Variants in CCDC141 observed in about 807,000 individuals in gnomAD.
CCDC141 encodes the protein coiled-coil domain containing 141.
A neutral mutation model predicts 181.0 loss-of-function variants in CCDC141; 168 were observed. The observed-to-expected ratio is 0.93, with a 90% CI of 0.82 to 1.05. CCDC141 has a LOEUF of 1.05. Ranked by LOEUF, CCDC141 falls within the 50% of genes least tolerant of loss-of-function variation. CCDC141 has a pLI of 0.00. For synonymous variants in CCDC141, 666 were observed against 642.3 expected (o/e 1.04, Z -0.56); for missense variants, 1,902 against 1,788.5 (o/e 1.06, Z -1.14).
intron 2 of CCDC141, among the ~76,000 whole-genome samples, chr2:178,988,965 T>C (rs898043389): frequency 6.6e-6 from 1 of 152,150 alleles, no homozygotes; most frequent in Non-Finnish European, 1.5e-5. Context: ...AAGAATAAAA[T>C]TGAATTATTA....
At chr2:178,872,368 T>C in intron 12 of CCDC141, 56 bp from the exon 13 acceptor site, 1 of 1,460,414 alleles carries the variant, frequency 6.8e-7, no homozygotes, top group Non-Finnish European at 9.4e-7. Flanking sequence ...TACAGCTTTT[T>C]GTTGTATATA....
intron 7 of CCDC141, among the ~76,000 whole-genome samples, chr2:178,907,037 C>T (rs983126595): frequency 6.6e-6 from 1 of 152,152 alleles, no homozygotes; most frequent in African/African-American, 2.4e-5. Context: ...CCCATGTCTG[C>T]AATTCTGTTT....
At chr2:178,932,863 C>T (rs1689152566) in intron 6 of CCDC141, among the ~76,000 whole-genome samples, 3 of 152,124 alleles carry the variant, frequency 2.0e-5, no homozygotes. Context: ...ATTTAAATTA[C>T]TTAAATAAGC....
chr2:178,861,099 T>A (rs116079669), intron 17 of CCDC141, among the ~76,000 whole-genome samples: 1 of 152,016 alleles, frequency 6.6e-6, no homozygotes, highest in Non-Finnish European at 1.5e-5. Flanking sequence ...ACTAGAGGAA[T>A]GGCTGTGACT....
intron 1 of CCDC141, 110 bp from the exon 2 acceptor site, chr2:179,047,516 T>C: frequency 1.0e-6 from 1 of 965,724 alleles, no homozygotes. Flanking sequence ...TGTAAACACT[T>C]TTTTCTATTT....
At chr2:179,036,353 T>C (rs2043144466) in intron 2 of CCDC141, among the ~76,000 whole-genome samples, 3 of 152,206 alleles carry the variant, frequency 2.0e-5, no homozygotes. Flanking sequence ...CCTAACTCCA[T>C]GTTGAAGAAG....
At chr2:178,849,488 T>C (rs1453796247) in intron 21 of CCDC141, among the ~76,000 whole-genome samples, 1 of 152,216 alleles carries the variant, frequency 6.6e-6, no homozygotes, top group African/African-American at 2.4e-5. Flanking sequence ...GTTTTTGACA[T>C]GACATTGACA....
intron 6 of CCDC141, among the ~76,000 whole-genome samples, chr2:178,940,197 C>G (rs1252218353): frequency 6.6e-6 from 1 of 151,678 alleles, no homozygotes; most frequent in Non-Finnish European, 1.5e-5. Context: ...AATGAGTGCT[C>G]TATAAGATCA....
intron 4 of CCDC141, among the ~76,000 whole-genome samples, chr2:178,965,427 G>A (rs1690581796): frequency 6.6e-6 from 1 of 152,206 alleles, no homozygotes; most frequent in Non-Finnish European, 1.5e-5. Context: ...GAGGTACCCG[G>A]TTCATCTCAT....
Position 178,856,258 on chromosome 2 carries a change from T to C in CCDC141, c.2864A>G (p.Gln955Arg), listed in dbSNP as rs764291321. Reference protein sequence around the residue: ...QQVDMYAEKMQALKRKMEKVS... With the variant: ...QQVDMYAEKMRALKRKMEKVS... Reference sequence around the variant, plus strand: ...ATACAAACCATACTTTCTTGTTACCTGCATTTTTTCAGCATACATATCAAC... The same window carrying C: ...ATACAAACCATACTTTCTTGTTACCCGCATTTTTTCAGCATACATATCAAC... Residue 955 changes from glutamine (Q) to arginine (R), a missense_variant and splice_region_variant, in exon 18 of 24, where the codon CAG becomes CGG. By Grantham distance (43) the Gln-to-Arg change is conservative. Coordinates refer to ENST00000443758, the MANE Select transcript of CCDC141 (RefSeq NM_173648.4). 7.5e-6 allele frequency: 12 copies of C among 1,603,664 alleles called. No individual in the cohort carries two copies. The African/African-American group carries it at 1.5e-4, about 20-fold the overall frequency.
In CCDC141 at chr2:179,000,358, T is replaced by C. The variant is rs138010024; in HGVS notation, c.226-21683A>G. On this transcript the variant is annotated intron_variant, in intron 2 of 23. Transcript: ENST00000443758. The stretch of plus-strand genomic sequence containing the variant: ...ATATTGTCCACAGCTACTATCACAA[T>C]ACAACAGCCTAGTCTAAATAGTTGC... 7.2e-5 allele frequency among the ~76,000 whole-genome samples: 11 copies of C among 152,262 alleles called. No homozygotes were observed. The East Asian group carries it at 1.7e-3, about 24-fold the overall frequency.
chr2:179,003,129 A>G (rs1291775098), intron 2 of CCDC141, among the ~76,000 whole-genome samples: 1 of 152,148 alleles, frequency 6.6e-6, no homozygotes, highest in Non-Finnish European at 1.5e-5. Flanking sequence ...AAAATTGAAA[A>G]TTTTTCTTCT....
Position 179,015,094 on chromosome 2 carries a change from A to AT in CCDC141, c.225+32189dup, listed in dbSNP as rs1553502749. 2.4e-3 allele frequency among the ~76,000 whole-genome samples: 108 copies of AT among 45,838 alleles called. 7 individuals are homozygous for AT. The highest frequency in any genetic ancestry group is 8.8e-3 in the Middle Eastern group (1 of 114). 30.1% of individuals were successfully genotyped at this position (45,838 alleles called of 152,430 possible). On this transcript the variant is annotated intron_variant, in intron 2 of 23. Coordinates refer to ENST00000443758, the MANE Select transcript of CCDC141 (RefSeq NM_173648.4). ...TATATATATATATATATATATATAT[A>AT]TATATATATAATATATATATAATCA...
In CCDC141 at chr2:178,918,743, C is replaced by T. The variant is rs72961212; in HGVS notation, c.1062G>A (p.Lys354=). 0.062 allele frequency: 95,568 copies of T among 1,550,334 alleles called. 3,547 individuals are homozygous for T. The highest frequency in any genetic ancestry group is 0.074 in the Non-Finnish European group (84,838 of 1,146,852). ...TAGCACTGTTAAAAAATTCATTCGC[C>T]TTCTTTAACCAGGTATTCCTTTCCA... The part of the protein sequence containing the change: ...LMVERNTWLK[K]ANEFFNSANK... Residue 354 remains lysine, a synonymous_variant, in exon 7 of 24, where the codon AAG becomes AAA. Coordinates refer to ENST00000443758, the MANE Select transcript of CCDC141 (RefSeq NM_173648.4).
In CCDC141 at chr2:178,869,169, T is replaced by G. The variant is rs1466075426; in HGVS notation, c.2342A>C (p.Asp781Ala). 4 of 1,613,366 alleles carry G rather than the reference T, an allele frequency of 2.5e-6. No individual in the cohort carries two copies. In the Admixed American group the frequency reaches 6.7e-5, roughly 27 times the overall value. ...FHQKQKERIQDYEDILYKVVQ... is the reference protein window; with the variant it reads ...FHQKQKERIQAYEDILYKVVQ... ...CACCTTGTACAGGATATCCTCGTAA[T>G]CCTGGATTCTCTCTTTCTGTTTTTG... is the stretch of plus-strand genomic sequence containing the variant. Residue 781 changes from aspartate (D) to alanine (A), a missense_variant, in exon 15 of 24, where the codon GAT becomes GCT. Asp to Ala is a moderately radical substitution (Grantham distance 126). Transcript: ENST00000443758.
At chr2:179,004,609 C>G (rs2042072383) in intron 2 of CCDC141, among the ~76,000 whole-genome samples, 1 of 152,158 alleles carries the variant, frequency 6.6e-6, no homozygotes, top group Admixed American at 6.5e-5. Context: ...AAGATGCCAT[C>G]TGAAATTTCT....
intron 6 of CCDC141, among the ~76,000 whole-genome samples, chr2:178,927,055 G>A (rs895462188): frequency 6.6e-6 from 1 of 152,094 alleles, no homozygotes; most frequent in African/African-American, 2.4e-5. Flanking sequence ...TAATAGCTAT[G>A]TACTCTATTA....
intron 3 of CCDC141, 85 bp downstream of exon 3, chr2:178,978,399 T>C (rs1353511255): frequency 1.0e-5 from 9 of 880,880 alleles, no homozygotes; most frequent in Admixed American, 8.2e-5. Flanking sequence ...GCTTGCAATG[T>C]CTATTTGTGA....
the CCDC141 span, among the ~76,000 whole-genome samples, chr2:178,819,320 TATGTC>T: frequency 4.6e-5 from 7 of 152,220 alleles, no homozygotes; most frequent in African/African-American, 1.7e-4. Context: ...ATTTTGCTGA[TATGTC>T]AGGGCAGTGG....
Sources: gnomAD v4.1 joint callset for allele counts (sites outside exome capture counted in the v4.1 genomes callset) on GRCh38, gnomAD v4.1.1 for gene constraint, MANE v1.5 for transcripts, NCBI Gene and HGNC (gene_info 2026-07-23, HGNC 2026-07-21) for gene names.